The following FAM167A variants were observed in gnomAD, a reference collection of about 807,000 sequenced individuals.
FAM167A encodes the protein protein FAM167A.
Under a neutral mutation model 14.9 loss-of-function variants are expected in FAM167A, and 23 were observed. The observed-to-expected ratio is 1.55, with a 90% CI of 1.11 to 2.19. The LOEUF (loss-of-function observed/expected upper bound fraction) is 2.19, where lower values mean the gene tolerates loss of function less well. Among genes scored for constraint, FAM167A ranks in the 30% most tolerant of loss-of-function variants. FAM167A has a pLI of 0.00. For missense variants in FAM167A, 401 were observed against 281.5 expected (o/e 1.42, Z -3.04); for synonymous variants, 174 against 117.7 (o/e 1.48, Z -3.10).
chr8:11,468,232 G>A (rs760490152), upstream of FAM167A, among the ~76,000 whole-genome samples: 1 of 152,212 alleles, frequency 6.6e-6, no homozygotes, highest in African/African-American at 2.4e-5. Context: ...CCAGTCCTCT[G>A]AGGATTAACA....
intron 2 of FAM167A, among the ~76,000 whole-genome samples, chr8:11,431,625 AG>A (rs768560866): frequency 2.6e-5 from 4 of 152,212 alleles, no homozygotes; most frequent in Non-Finnish European, 5.9e-5. Context: ...ACCTGGTTCT[AG>A]CACTGAGAAT....
At chr8:11,445,278 G>C in intron 1 of FAM167A, 2 of 985,662 alleles carry the variant, frequency 2.0e-6, no homozygotes, top group Non-Finnish European at 2.4e-6. Flanking sequence ...ACCCCACACA[G>C]GCTAAGGTGG....
At chr8:11,470,605 GTC>G (rs1479844749), upstream of FAM167A, among the ~76,000 whole-genome samples, 2 of 152,188 alleles carry the variant, frequency 1.3e-5, no homozygotes, top group Non-Finnish European at 2.9e-5. Flanking sequence ...CTCTAAATCA[GTC>G]TCTCCTGATC....
At position 11,421,966 on chromosome 8, in the gene FAM167A, G is replaced by A. The variant is rs181273671; in HGVS notation, c.*2407C>T. The A allele has an allele frequency of 2.5e-4, 101 of 397,370 alleles. No homozygotes were observed. Among genetic ancestry groups the A allele is most frequent in the Admixed American group, 7.9e-4 (18 of 22,708 alleles). The allele number at this position is 397,370 out of a possible 1,614,324, so 24.6% of individuals were successfully genotyped here. On this transcript the variant is annotated 3_prime_UTR_variant, in exon 3 of 3. Coordinates refer to ENST00000284486, the MANE Select transcript of FAM167A (RefSeq NM_053279.3). Reference sequence around the variant, plus strand: ...GTAAGGAAGCCAGTCAACACTGGACGATGTTTAGAAAACATCGCTGTCCCC... The same window carrying A: ...GTAAGGAAGCCAGTCAACACTGGACAATGTTTAGAAAACATCGCTGTCCCC...
intron 2 of FAM167A, chr8:11,434,900 G>C (rs1484192822): frequency 1.8e-5 from 7 of 394,360 alleles, no homozygotes; most frequent in Non-Finnish European, 3.6e-5. Flanking sequence ...CGGAGAGAGA[G>C]TGGGAGAGAT....
chr8:11,435,753 C>T (rs1225518522), intron 2 of FAM167A, among the ~76,000 whole-genome samples: 1 of 152,240 alleles, frequency 6.6e-6, no homozygotes, highest in East Asian at 1.9e-4. Flanking sequence ...CTTCAATTTC[C>T]TCATCTGCTA....
chr8:11,432,642 G>C (rs1009505575), intron 2 of FAM167A, among the ~76,000 whole-genome samples: 1 of 152,186 alleles, frequency 6.6e-6, no homozygotes, highest in Admixed American at 6.5e-5. Context: ...AACCATTGTG[G>C]AAGACAGTAT....
rs1414425510 is a variant in FAM167A, at chr8:11,421,857, A to G, written c.*2516T>C. 3 of 397,672 alleles carry G rather than the reference A, an allele frequency of 7.5e-6. No homozygotes were observed. Among genetic ancestry groups the G allele is most frequent in the Admixed American group, 4.4e-5 (1 of 22,678 alleles). The allele number at this position is 397,672 out of a possible 1,614,324, so 24.6% of individuals were successfully genotyped here. On this transcript the variant is annotated 3_prime_UTR_variant, in exon 3 of 3. Transcript: ENST00000284486. ...GGAGGCTGGGACGGAGGTTAGGCCA[A>G]TGTTGCTGCTGACTCATAGACCCAC...
At chr8:11,454,918 TG>T (rs1332454258) in intron 1 of FAM167A, among the ~76,000 whole-genome samples, 3 of 152,182 alleles carry the variant, frequency 2.0e-5, no homozygotes, top group African/African-American at 7.2e-5. Flanking sequence ...GCTGCCCTAG[TG>T]GTCCCCTCCT....
At chr8:11,437,953 C>CATCTCAGAACTCAACTT (rs1235392337) in intron 2 of FAM167A, 1 of 290,032 alleles carries the variant, frequency 3.4e-6, no homozygotes, top group East Asian at 1.0e-4. Context: ...CTCACCAGAT[C>CATCTCAGAACTCAACTT]ATCTCAGAAC....
upstream of FAM167A, among the ~76,000 whole-genome samples, chr8:11,472,271 TG>T (rs1427522037): frequency 6.6e-6 from 1 of 152,132 alleles, no homozygotes; most frequent in Non-Finnish European, 1.5e-5. Context: ...GTGATGTCTT[TG>T]AGTTTGTGGA....
intron 1 of FAM167A, among the ~76,000 whole-genome samples, chr8:11,465,335 G>T (rs946097470): frequency 6.6e-6 from 1 of 152,122 alleles, no homozygotes; most frequent in East Asian, 1.9e-4. Flanking sequence ...AGTCAGGCAC[G>T]TGAGGCTGAC....
At chr8:11,432,616 G>C (rs770410899) in intron 2 of FAM167A, among the ~76,000 whole-genome samples, 15 of 152,156 alleles carry the variant, frequency 9.9e-5, no homozygotes, top group Non-Finnish European at 1.9e-4. Context: ...ACACTGTTGG[G>C]AGTGAAAATT....
intron 2 of FAM167A, among the ~76,000 whole-genome samples, chr8:11,437,172 C>A (rs909589839): frequency 2.6e-5 from 4 of 152,208 alleles, no homozygotes; most frequent in Non-Finnish European, 5.9e-5. Flanking sequence ...AGACCCACTG[C>A]AGGGCTTTGA....
chr8:11,473,421 GA>G (rs1374037526), intron 1 of FAM167A, among the ~76,000 whole-genome samples: 2 of 152,148 alleles, frequency 1.3e-5, no homozygotes, highest in African/African-American at 4.8e-5. Flanking sequence ...TGCTGGGGGG[GA>G]TTTTTGGGGA....
At chr8:11,454,035 G>A (rs1413554969) in intron 1 of FAM167A, among the ~76,000 whole-genome samples, 1 of 152,204 alleles carries the variant, frequency 6.6e-6, no homozygotes, top group Non-Finnish European at 1.5e-5. Flanking sequence ...CCATCTGCAG[G>A]TATAACTGGG....
chr8:11,449,739 T>C (rs1321480611), intron 1 of FAM167A, among the ~76,000 whole-genome samples: 5 of 152,164 alleles, frequency 3.3e-5, no homozygotes, highest in African/African-American at 1.2e-4. Context: ...CGAGGACCCA[T>C]GCCACACACA....
At chr8:11,471,639 G>A (rs1189186862), upstream of FAM167A, among the ~76,000 whole-genome samples, 4 of 152,188 alleles carry the variant, frequency 2.6e-5, no homozygotes, top group African/African-American at 9.7e-5. Flanking sequence ...ACTGTTCATA[G>A]TACTGCCTTG....
At chr8:11,435,316 G>A (rs1473075840) in intron 2 of FAM167A, among the ~76,000 whole-genome samples, 8 of 152,134 alleles carry the variant, frequency 5.3e-5, no homozygotes, top group Non-Finnish European at 1.2e-4. Context: ...CCCTCCATGC[G>A]GCCTCCACCA....
Sources: allele counts gnomAD v4.1 joint callset (sites outside exome capture counted in the v4.1 genomes callset), GRCh38; gene constraint gnomAD v4.1.1; transcripts MANE v1.5; gene names NCBI Gene and HGNC (gene_info 2026-07-23, HGNC 2026-07-21).